The following CSMD2 variants were observed in gnomAD, a reference collection of about 807,000 sequenced individuals.
CSMD2 encodes the protein CUB and Sushi multiple domains 2, also known as CUB and sushi domain-containing protein 2.
CSMD2 carries 130 observed loss-of-function variants against 398.5 expected under a neutral mutation model. That is an observed-to-expected ratio of 0.33 (90% confidence interval 0.28 to 0.38). The LOEUF is 0.38. Among genes scored for constraint, CSMD2 ranks in the 10% least tolerant of loss-of-function variants. CSMD2 has a pLI of 1.00. For synonymous variants in CSMD2, 1,828 were observed against 1,908.5 expected (o/e 0.96, Z 1.10); for missense variants, 3,829 against 4,764.9 (o/e 0.80, Z 5.78).
intron 14 of CSMD2, among the ~76,000 whole-genome samples, chr1:33,740,877 T>C (rs1228821908): frequency 1.3e-5 from 2 of 152,086 alleles, no homozygotes; most frequent in Admixed American, 6.5e-5. Context: ...ATAGCAGGAA[T>C]ATGGAGTTAT....
intron 1 of CSMD2, among the ~76,000 whole-genome samples, chr1:34,138,945 G>T (rs138748777): frequency 6.6e-6 from 1 of 151,444 alleles, no homozygotes; most frequent in Non-Finnish European, 1.5e-5. Flanking sequence ...TTTCATATTC[G>T]ACTTCCTCTC....
At chr1:33,564,250 A>T (rs1658843455) in intron 53 of CSMD2, among the ~76,000 whole-genome samples, 1 of 152,186 alleles carries the variant, frequency 6.6e-6, no homozygotes, top group African/African-American at 2.4e-5. Context: ...AATGAGGTAA[A>T]TCGACCTACC....
chr1:33,960,005 T>C (rs1254024346), intron 3 of CSMD2, among the ~76,000 whole-genome samples: 2 of 152,208 alleles, frequency 1.3e-5, no homozygotes, highest in Non-Finnish European at 2.9e-5. Flanking sequence ...AACTTGACTT[T>C]CGGCCCCTTT....
chr1:33,846,906 G>A lies in CSMD2; in HGVS notation c.1011C>T (p.Arg337=), dbSNP rs143306375. 1.6e-5 allele frequency: 26 copies of A among 1,607,854 alleles called. No individual in the cohort carries two copies. Among genetic ancestry groups the A allele is most frequent in the Middle Eastern group, 3.3e-4 (2 of 6,062 alleles). The change falls in exon 6 of 71, where the codon CGC becomes CGT. Residue 337 remains arginine, a synonymous_variant. Transcript: ENST00000373381. Reference sequence around the variant, plus strand: ...TACCTTGGTATTGGGCACTGAATCCGCGCTGCCGGTGGTTGCCATCCGATG... The same window carrying A: ...TACCTTGGTATTGGGCACTGAATCCACGCTGCCGGTGGTTGCCATCCGATG... ...HFTSDGNHRQ[R]GFSAQYQVKK... is the part of the protein sequence containing the mutation.
intron 59 of CSMD2, 42 bp from the exon 60 acceptor site, chr1:33,540,740 G>A (rs1261470346): frequency 1.9e-6 from 3 of 1,607,568 alleles, no homozygotes; most frequent in South Asian, 1.1e-5. Flanking sequence ...ATGCTGTCCT[G>A]GGAAACCAGC....
chr1:33,784,007 T>C (rs1055431924), intron 12 of CSMD2, among the ~76,000 whole-genome samples: 3 of 146,950 alleles, frequency 2.0e-5, no homozygotes, highest in Non-Finnish European at 4.5e-5. Context: ...TCCCAGGGCA[T>C]TTTGTTGTCA....
chr1:34,125,507 CTGTG>C (rs35436778), intron 1 of CSMD2, among the ~76,000 whole-genome samples: 24,440 of 140,830 alleles, frequency 0.17, 2,268 homozygotes, highest in South Asian at 0.34. Flanking sequence ...TCAACCTTGG[CTGTG>C]TGTGTGTGTG....
In CSMD2 at chr1:34,107,890, T is replaced by A. The variant is rs558747811; in HGVS notation, c.188-18697A>T. Among the ~76,000 whole-genome samples, 11 of 152,280 alleles carry A rather than the reference T, an allele frequency of 7.2e-5. No individual in the cohort carries two copies. In the South Asian group the frequency reaches 2.3e-3, roughly 32 times the overall value. On this transcript the variant is annotated intron_variant, in intron 1 of 70. Coordinates refer to ENST00000373381, the MANE Select transcript of CSMD2 (RefSeq NM_001281956.2). Reference sequence around the variant, plus strand: ...GAACTTCCCAGAAGAAAAAGAATCATAATAACTCGGGAAATAGGAGTGAAT... The same window carrying A: ...GAACTTCCCAGAAGAAAAAGAATCAAAATAACTCGGGAAATAGGAGTGAAT...
chr1:33,780,560 A>G (rs1569893331), intron 12 of CSMD2, among the ~76,000 whole-genome samples: 1 of 152,350 alleles, frequency 6.6e-6, no homozygotes, highest in Middle Eastern at 3.4e-3. Context: ...GTAGCCTCCA[A>G]GCTGTCTGCA....
chr1:34,081,035 T>A (rs966418133), intron 2 of CSMD2, among the ~76,000 whole-genome samples: 5 of 151,542 alleles, frequency 3.3e-5, no homozygotes, highest in African/African-American at 1.2e-4. Context: ...GAAAGAAAGG[T>A]TGAGTGGGAA....
Position 33,577,341 on chromosome 1 carries a change from G to T in CSMD2, c.7531C>A (p.Pro2511Thr). The T allele has an allele frequency of 1.2e-6, 2 of 1,613,848 alleles. No homozygotes were observed. Among genetic ancestry groups the T allele is most frequent in the Non-Finnish European group, 1.7e-6 (2 of 1,179,854 alleles). The change falls in exon 49 of 71, where the codon CCC (proline) becomes ACC (threonine). Residue 2511 changes from proline to threonine, a missense_variant. Physicochemically the swap from Pro to Thr is conservative, Grantham distance 38 (BLOSUM62 -1). This residue lies in a region of CSMD2 where 723 missense variants were observed against 758.6 expected (regional missense o/e 0.95). Coordinates refer to ENST00000373381, the MANE Select transcript of CSMD2 (RefSeq NM_001281956.2). ...TCGCTCCACAGGTGGTAGCCCTGGG[G>T]GTGCCGGGTACAGATGGCCATGCTG... ...GHSMAICTRH[P>T]QGYHLWSEAI... is the part of the protein sequence containing the mutation.
intron 53 of CSMD2, among the ~76,000 whole-genome samples, chr1:33,567,240 C>A (rs982256442): frequency 1.3e-5 from 2 of 151,454 alleles, no homozygotes; most frequent in Non-Finnish European, 2.9e-5. Flanking sequence ...ACAATTAAAG[C>A]AGTGATCAGA....
At chr1:33,907,882 T>G (rs1643200620) in intron 5 of CSMD2, among the ~76,000 whole-genome samples, 1 of 149,636 alleles carries the variant, frequency 6.7e-6, no homozygotes, top group African/African-American at 2.5e-5. Flanking sequence ...AGGTCAGGAG[T>G]TTGAGACCAA....
At chr1:33,945,644 G>C (rs1644816983) in intron 3 of CSMD2, among the ~76,000 whole-genome samples, 4 of 152,124 alleles carry the variant, frequency 2.6e-5, no homozygotes, top group African/African-American at 9.7e-5. Context: ...CACTCTCTAA[G>C]GGAAGTTCAG....
At chr1:33,701,114 A>C (rs1248827821) in intron 22 of CSMD2, among the ~76,000 whole-genome samples, 1 of 152,150 alleles carries the variant, frequency 6.6e-6, no homozygotes, top group Admixed American at 6.5e-5. Context: ...CTTCCAGTAG[A>C]TGAGACAGCC....
At chr1:33,684,813 A>G (rs765021766) in intron 25 of CSMD2, among the ~76,000 whole-genome samples, 1 of 152,190 alleles carries the variant, frequency 6.6e-6, no homozygotes, top group Non-Finnish European at 1.5e-5. Context: ...CAACTGCCAT[A>G]CAGAATTATG....
Position 33,707,693 on chromosome 1 carries a change from GCGCACA to G in CSMD2, c.3576+1390_3576+1395del, listed in dbSNP as rs1306693661. ...CACGCACGCGTGCACACGCGCGCGC[GCGCACA>G]CACACACACACACACACACACACAC... On this transcript the variant is annotated intron_variant, in intron 22 of 70. Coordinates refer to ENST00000373381, the MANE Select transcript of CSMD2 (RefSeq NM_001281956.2). Among the ~76,000 whole-genome samples the G allele has an allele frequency of 4.2e-3, 197 of 46,942 alleles. 1 individual carries two copies. Among genetic ancestry groups the G allele is most frequent in the African/African-American group, 9.5e-3 (157 of 16,462 alleles). The allele number at this position is 46,942 out of a possible 152,430, so 30.8% of individuals were successfully genotyped here. A position where few individuals can be genotyped will look rare whatever the true frequency, so the allele number is the denominator to read the frequency against.
chr1:33,964,399 C>T (rs1043277273), intron 3 of CSMD2, among the ~76,000 whole-genome samples: 1 of 152,202 alleles, frequency 6.6e-6, no homozygotes, highest in African/African-American at 2.4e-5. Context: ...CTCTTTGAAT[C>T]TCTGCACTCC....
chr1:33,904,716 G>A (rs778499465), intron 5 of CSMD2, among the ~76,000 whole-genome samples: 3 of 149,818 alleles, frequency 2.0e-5, no homozygotes, highest in Non-Finnish European at 3.0e-5. Context: ...CCAGGCTGGA[G>A]TGCAGTGGCA....
Sources: allele counts gnomAD v4.1 joint callset (sites outside exome capture counted in the v4.1 genomes callset), GRCh38; gene constraint gnomAD v4.1.1; regional missense constraint gnomAD v4.1.1; transcripts MANE v1.5; gene names NCBI Gene and HGNC (gene_info 2026-07-23, HGNC 2026-07-21).